ALG13: variants seen among roughly 807,000 people sequenced by gnomAD.
ALG13 encodes ALG13 UDP-N-acetylglucosaminyltransferase subunit, also known as UDP-N-acetylglucosamine transferase subunit ALG13.
A neutral mutation model predicts 87.8 loss-of-function variants in ALG13; 11 were observed. The observed-to-expected ratio is 0.13, with a 90% confidence interval of 0.08 to 0.21. ALG13 has a LOEUF of 0.21. Among genes scored for constraint, ALG13 ranks in the 10% least tolerant of loss-of-function variants. The probability of loss-of-function intolerance (pLI) is 1.00; values close to 1 mark genes in which losing one functional copy is unlikely to be tolerated. For synonymous variants in ALG13, 320 were observed against 306.3 expected, an observed-to-expected ratio of 1.04 and a Z score of -0.47; for missense variants, 756 against 866.1, an observed-to-expected ratio of 0.87 and a Z score of 1.60.
intron 3 of ALG13, among the ~76,000 whole-genome samples, chrX:111,687,130 A>G (rs1332397790): frequency 9.0e-6 from 1 of 111,306 alleles, no homozygotes; most frequent in Admixed American, 9.5e-5. Context: ...TATTTAGTAG[A>G]GACGGGGTTT....
intron 23 of ALG13, among the ~76,000 whole-genome samples, chrX:111,738,619 G>A (rs1156265698): frequency 9.0e-6 from 1 of 111,547 alleles, no homozygotes; most frequent in Non-Finnish European, 1.9e-5. Flanking sequence ...GCTCACTGCA[G>A]CCTGGATCTC....
intron 7 of ALG13, 116 bp from the exon 8 acceptor site, chrX:111,713,109 A>T: frequency 2.2e-6 from 1 of 460,814 alleles, no homozygotes; most frequent in Admixed American, 3.8e-5. Flanking sequence ...CCGGATATTT[A>T]TATTACTTTA....
rs759934702 is a variant in ALG13 at position 111,727,009 on chromosome X, C to T, written c.1930C>T (p.Pro644Ser). The T allele has an allele frequency of 1.5e-5, 18 of 1,209,308 alleles. No homozygotes were observed. The highest frequency in any genetic ancestry group is 2.0e-5 in the Non-Finnish European group (18 of 894,806). ...GNVMSNEHFHPQHPSPRQGRG... is the reference protein window; with the variant it reads ...GNVMSNEHFHSQHPSPRQGRG... Reference sequence around the variant, plus strand: ...TGTTATGTCTAATGAACATTTTCATCCTCAGCATCCATCTCCGAGACAAGG... The same window carrying T: ...TGTTATGTCTAATGAACATTTTCATTCTCAGCATCCATCTCCGAGACAAGG... Residue 644 changes from proline to serine, a missense_variant, in exon 16 of 27, where the codon CCT becomes TCT. This residue lies in a region of ALG13 where 362 missense variants were observed against 383.5 expected (regional missense o/e 0.94). Coordinates refer to ENST00000394780, the MANE Select transcript of ALG13 (RefSeq NM_001099922.3).
At chrX:111,727,854 A>C in intron 18 of ALG13, 84 bp downstream of exon 18, 1 of 973,627 alleles carries the variant, frequency 1.0e-6, no homozygotes, top group Non-Finnish European at 1.4e-6. Flanking sequence ...GATAAATTTT[A>C]GATTTTGTAC....
chrX:111,690,066 TAA>T, intron 3 of ALG13: 1 of 742,712 alleles, frequency 1.3e-6, no homozygotes, highest in Non-Finnish European at 1.6e-6. Context: ...AGTTGGGAGA[TAA>T]TTTAAAGAAT....
chrX:111,728,363 G>A, intron 19 of ALG13, 58 bp downstream of exon 19: 1 of 1,172,301 alleles, frequency 8.5e-7, no homozygotes, highest in Non-Finnish European at 1.1e-6. Flanking sequence ...AGCACATCAG[G>A]CCAGTGAAGT....
At chrX:111,692,902 C>T (rs1936370439) in intron 3 of ALG13, among the ~76,000 whole-genome samples, 2 of 110,597 alleles carry the variant, frequency 1.8e-5, no homozygotes, top group Admixed American at 9.6e-5. Context: ...GACCCTCCCA[C>T]CTCAGCCTCT....
chrX:111,698,176 T>C lies in ALG13; in HGVS notation c.384-9851T>C, dbSNP rs372463910. 1.4e-4 allele frequency among the ~76,000 whole-genome samples: 16 copies of C among 112,102 alleles called. No homozygotes were observed. The East Asian group carries it at 3.6e-3, about 25-fold the overall frequency. ...ATGCTTAAACTGGTTTTGTTTTGTT[T>C]TTTAAATTTGAATATCATTGTAACC... On this transcript the variant is annotated intron_variant, in intron 3 of 26. Coordinates refer to ENST00000394780, the MANE Select transcript of ALG13 (RefSeq NM_001099922.3).
chrX:111,741,229 T>A (rs904661148), intron 23 of ALG13, among the ~76,000 whole-genome samples: 3 of 111,866 alleles, frequency 2.7e-5, no homozygotes, highest in Non-Finnish European at 5.6e-5. Flanking sequence ...GGGCCCAGGT[T>A]CTTTAAAGCA....
intron 23 of ALG13, among the ~76,000 whole-genome samples, chrX:111,743,226 C>T (rs962963843): frequency 3.6e-5 from 4 of 111,058 alleles, no homozygotes; most frequent in East Asian, 2.8e-4. Flanking sequence ...TGGCATGATA[C>T]GTTTTCAGTG....
At chrX:111,687,753 A>G (rs1230576540) in intron 3 of ALG13, 8 of 471,037 alleles carry the variant, frequency 1.7e-5, no homozygotes, top group Non-Finnish European at 2.7e-5. Context: ...TTATTAAAAT[A>G]TATAAAAATT....
Position 111,749,515 on chromosome X carries a change from C to A in ALG13, c.2933-3275C>A, listed in dbSNP as rs186072513. Reference sequence around the variant, plus strand: ...TCAAATTTTACCAAAAAAAAAAAAACGTCTGGAAATTAGGGATTGTGTTTA... The same window carrying A: ...TCAAATTTTACCAAAAAAAAAAAAAAGTCTGGAAATTAGGGATTGTGTTTA... On this transcript the variant is annotated intron_variant, in intron 24 of 26. Transcript: ENST00000394780. Among the ~76,000 whole-genome samples the A allele has an allele frequency of 2.0e-3, 212 of 105,956 alleles. 4 individuals are homozygous for A. Among genetic ancestry groups the A allele is most frequent in the Admixed American group, 0.019 (186 of 9,970 alleles). The allele number at this position is 105,956 out of a possible 115,157, so 92.0% of individuals were successfully genotyped here.
chrX:111,741,193 G>A (rs1193487717), intron 23 of ALG13, among the ~76,000 whole-genome samples: 2 of 111,908 alleles, frequency 1.8e-5, no homozygotes, highest in Admixed American at 1.9e-4. Context: ...GCAAAATCCA[G>A]ACTATGGGAA....
At chrX:111,684,861 T>A (rs1934528292) in intron 2 of ALG13, 104 bp from the exon 3 acceptor site, 3 of 741,859 alleles carry the variant, frequency 4.0e-6, no homozygotes, top group Non-Finnish European at 5.9e-6. Flanking sequence ...AGTTTGTAGT[T>A]CTGTCAACTT....
At chrX:111,684,434 G>A (rs750950541) in intron 2 of ALG13, among the ~76,000 whole-genome samples, 8 of 110,171 alleles carry the variant, frequency 7.3e-5, no homozygotes, top group Non-Finnish European at 1.3e-4. Flanking sequence ...CAGTCCTTCC[G>A]CCTCAGGCTC....
intron 3 of ALG13, among the ~76,000 whole-genome samples, chrX:111,705,961 CAT>C (rs1938671355): frequency 8.9e-6 from 1 of 111,964 alleles, no homozygotes; most frequent in Non-Finnish European, 1.9e-5. Flanking sequence ...TTTTATATAT[CAT>C]ACTTATTTTT....
intron 3 of ALG13, among the ~76,000 whole-genome samples, chrX:111,701,233 T>C (rs1487070984): frequency 2.7e-5 from 3 of 111,926 alleles, no homozygotes; most frequent in Admixed American, 9.5e-5. Context: ...GTAAAATGAG[T>C]TTAGAAATAT....
At chrX:111,754,131 A>G (rs1945012508) in intron 25 of ALG13, among the ~76,000 whole-genome samples, 1 of 111,982 alleles carries the variant, frequency 8.9e-6, no homozygotes, top group Non-Finnish European at 1.9e-5. Context: ...ATGCAAATCA[A>G]TAAATGTAAT....
rs1430427233 is a variant in ALG13 at position 111,723,823 on chromosome X, A to G, written c.1526A>G (p.Tyr509Cys). 8.5e-7 allele frequency: 1 copy of G among 1,182,803 alleles called. No individual in the cohort carries two copies. Among genetic ancestry groups the G allele is most frequent in the Admixed American group, 2.4e-5 (1 of 42,478 alleles). ...GTTTGCTTGGAATCAGAAGGAAGAT[A>G]TTATAATGCTCATATCCAGGAAGTT... ...CQVCLESEGR[Y>C]YNAHIQEVGN... Residue 509 changes from tyrosine to cysteine, a missense_variant, in exon 14 of 27, where the codon TAT becomes TGT. By Grantham distance (194) the Tyr-to-Cys change is radical. Transcript: ENST00000394780.
Sources: allele counts gnomAD v4.1 joint callset (sites outside exome capture counted in the v4.1 genomes callset), GRCh38; gene constraint gnomAD v4.1.1; regional missense constraint gnomAD v4.1.1; transcripts MANE v1.5; gene names NCBI Gene and HGNC (gene_info 2026-07-23, HGNC 2026-07-21).